Variants in MED13L observed in about 807,000 individuals in gnomAD.
MED13L encodes the protein mediator complex subunit 13L.
A neutral mutation model predicts 220.9 loss-of-function variants in MED13L; 7 were observed. The observed-to-expected ratio is 0.03, with a 90% confidence interval of 0.02 to 0.06. The LOEUF (loss-of-function observed/expected upper bound fraction) is 0.06, where lower values mean the gene tolerates loss of function less well. MED13L is among the 10% of genes least tolerant of loss of function. The pLI, the probability that MED13L is intolerant of heterozygous loss-of-function variation, is 1.00. For missense variants in MED13L, 1,965 were observed against 2,760.5 expected (o/e 0.71, Z 6.46); for synonymous variants, 1,011 against 1,015.2 (o/e 1.00, Z 0.08).
chr12:116,251,444 G>A (rs530553375), intron 1 of MED13L, among the ~76,000 whole-genome samples: 1 of 144,276 alleles, frequency 6.9e-6, no homozygotes, highest in African/African-American at 2.6e-5. Context: ...ACAGGCGTGA[G>A]GGATCCTTTT....
At chr12:115,993,009 AAC>A (rs1215758339) in intron 16 of MED13L, among the ~76,000 whole-genome samples, 1 of 152,218 alleles carries the variant, frequency 6.6e-6, no homozygotes, top group African/African-American at 2.4e-5. Flanking sequence ...TTAAAAAAAA[AAC>A]AACAGTTAAA....
chr12:116,181,368 G>A (rs530114239), intron 2 of MED13L: 1 of 151,792 alleles, frequency 6.6e-6, no homozygotes, highest in Non-Finnish European at 1.5e-5. Context: ...TTCTGTTCAA[G>A]AACACACAGG....
chr12:116,203,926 C>A (rs970092509), intron 2 of MED13L, among the ~76,000 whole-genome samples: 2 of 152,164 alleles, frequency 1.3e-5, no homozygotes, highest in African/African-American at 2.4e-5. Flanking sequence ...ACAATAAAAA[C>A]CCATTGCACA....
In MED13L at chr12:115,986,355, C is replaced by T. The variant is rs768712390; in HGVS notation, c.4249G>A (p.Asp1417Asn). The stretch of plus-strand genomic sequence containing the variant: ...GGACACACCACAATATAGGCAACAT[C>T]ACGGTGGCCCCCATATGGGTCCAAC... ...LLLDPYGGHR[D>N]VAYIVVCPEN... Residue 1417 changes from aspartate (D) to asparagine (N), a missense_variant, in exon 19 of 31, where the codon GAT becomes AAT. Coordinates refer to ENST00000281928, the MANE Select transcript of MED13L (RefSeq NM_015335.5). 6.2e-7 allele frequency: 1 copy of T among 1,614,028 alleles called. No individual in the cohort carries two copies. Among genetic ancestry groups the T allele is most frequent in the African/African-American group, 1.3e-5 (1 of 74,920 alleles).
chr12:116,191,244 G>A (rs1881262526), intron 2 of MED13L, among the ~76,000 whole-genome samples: 1 of 152,206 alleles, frequency 6.6e-6, no homozygotes, highest in South Asian at 2.1e-4. Flanking sequence ...TTTATTTACA[G>A]TTTATTAAGT....
At chr12:116,007,847 C>T in intron 10 of MED13L, 1 of 564,432 alleles carries the variant, frequency 1.8e-6, no homozygotes. Flanking sequence ...AGCACAGGTT[C>T]TCAGGACAGA....
chr12:116,203,298 T>G (rs1302807232), intron 2 of MED13L, among the ~76,000 whole-genome samples: 4 of 152,218 alleles, frequency 2.6e-5, no homozygotes, highest in Non-Finnish European at 5.9e-5. Flanking sequence ...GGCCTTAAAC[T>G]TGTAACATTC....
At chr12:116,023,783 T>G (rs1433679969) in intron 4 of MED13L, among the ~76,000 whole-genome samples, 1 of 152,170 alleles carries the variant, frequency 6.6e-6, no homozygotes, top group Non-Finnish European at 1.5e-5. Flanking sequence ...TGACTACAAT[T>G]TTAAAAGAAT....
intron 16 of MED13L, among the ~76,000 whole-genome samples, chr12:115,993,891 G>A (rs982033181): frequency 1.3e-5 from 2 of 152,184 alleles, no homozygotes; most frequent in African/African-American, 4.8e-5. Flanking sequence ...TCATAAGCAA[G>A]TATGGCAGAC....
intron 1 of MED13L, chr12:116,276,675 G>C (rs996373571): frequency 8.4e-7 from 1 of 1,191,498 alleles, no homozygotes; most frequent in Non-Finnish European, 1.1e-6. Context: ...GCCGATCGGA[G>C]GCGCGGCAGC....
chr12:116,085,869 G>A (rs1367367004), intron 4 of MED13L, among the ~76,000 whole-genome samples: 1 of 152,084 alleles, frequency 6.6e-6, no homozygotes, highest in East Asian at 1.9e-4. Flanking sequence ...TCTTACTTCA[G>A]GGGAGCAACT....
intron 14 of MED13L, among the ~76,000 whole-genome samples, chr12:115,999,388 C>CT (rs1355222766): frequency 2.1e-4 from 32 of 150,640 alleles, no homozygotes; most frequent in African/African-American, 7.6e-4. Context: ...AAGACTCTGT[C>CT]TCAAAAAAAA....
intron 4 of MED13L, among the ~76,000 whole-genome samples, chr12:116,066,780 A>C: frequency 6.6e-6 from 1 of 151,686 alleles, no homozygotes; most frequent in Middle Eastern, 3.4e-3. Context: ...AAAACTCTAG[A>C]GCAAAAGCGC....
chr12:116,178,339 T>C (rs1273949615), intron 2 of MED13L, among the ~76,000 whole-genome samples: 1 of 152,200 alleles, frequency 6.6e-6, no homozygotes, highest in Non-Finnish European at 1.5e-5. Flanking sequence ...CTTTGGCAAA[T>C]AATTCCAATT....
At chr12:116,267,545 T>C (rs2138578418) in intron 1 of MED13L, among the ~76,000 whole-genome samples, 1 of 152,306 alleles carries the variant, frequency 6.6e-6, no homozygotes, top group South Asian at 2.1e-4. Context: ...AAAATGATTT[T>C]TCACGCCTCC....
intron 4 of MED13L, among the ~76,000 whole-genome samples, chr12:116,088,029 A>G (rs2137773742): frequency 6.6e-6 from 1 of 152,284 alleles, no homozygotes; most frequent in South Asian, 2.1e-4. Flanking sequence ...AGAAGATATT[A>G]AAATCTGCAA....
At chr12:116,118,932 C>T (rs1000613303) in intron 2 of MED13L, among the ~76,000 whole-genome samples, 1 of 152,100 alleles carries the variant, frequency 6.6e-6, no homozygotes, top group Non-Finnish European at 1.5e-5. Context: ...AATTAAATAA[C>T]ATATAATCAA....
intron 2 of MED13L, among the ~76,000 whole-genome samples, chr12:116,191,104 A>G (rs921728563): frequency 4.1e-4 from 61 of 149,056 alleles, no homozygotes; most frequent in African/African-American, 1.4e-3. Flanking sequence ...AAAAAAAAAA[A>G]AAAGAAAAGA....
intron 4 of MED13L, among the ~76,000 whole-genome samples, chr12:116,033,087 TTTTA>T (rs1880956949): frequency 6.8e-6 from 1 of 147,326 alleles, no homozygotes; most frequent in Non-Finnish European, 1.5e-5. Context: ...GGTTTTGTTT[TTTTA>T]AAAAAAAACA....
Sources: allele counts gnomAD v4.1 joint callset (sites outside exome capture counted in the v4.1 genomes callset), GRCh38; gene constraint gnomAD v4.1.1; transcripts MANE v1.5; gene names NCBI Gene and HGNC (gene_info 2026-07-23, HGNC 2026-07-21).